The following CCDC71L variants were observed in gnomAD, a reference collection of about 807,000 sequenced individuals.
The protein encoded by CCDC71L is coiled-coil domain-containing protein 71L.
CCDC71L carries 6 observed loss-of-function variants against 10.2 expected under a neutral mutation model. That is an observed-to-expected ratio of 0.59 (90% CI 0.32 to 1.16). CCDC71L has a LOEUF of 1.16. Ranked by LOEUF, CCDC71L falls within the 50% of genes most tolerant of loss-of-function variation. The probability of loss-of-function intolerance (pLI) is 0.05; values close to 1 mark genes in which losing one functional copy is unlikely to be tolerated. For synonymous variants in CCDC71L, 204 were observed against 175.5 expected (o/e 1.16, Z -1.28); for missense variants, 366 against 383.4 (o/e 0.95, Z 0.38).
In CCDC71L at chr7:106,654,714, A is replaced by C. The variant is rs1413968609; in HGVS notation, c.*5475T>G. 6.6e-6 allele frequency among the ~76,000 whole-genome samples: 1 copy of C among 152,056 alleles called. No homozygotes were observed. Among genetic ancestry groups the C allele is most frequent in the Non-Finnish European group, 1.5e-5 (1 of 67,950 alleles). ...GGACTTCAGGGGTACTCATAACTGT[A>C]TTTTTTTAATCTGAGTGCTAGTTCC... On this transcript the variant is annotated 3_prime_UTR_variant, in exon 1 of 1. Transcript: ENST00000523505.
rs1313951848 is a variant in CCDC71L at position 106,657,452 on chromosome 7, G to C, written c.*2737C>G. ...ATATGAGATAAAAGAGAAGGCAAGA[G>C]AATGAACGAAGATCATGAGATTTCT... is the stretch of plus-strand genomic sequence containing the variant. On this transcript the variant is annotated 3_prime_UTR_variant, in exon 1 of 1. Coordinates refer to ENST00000523505, the MANE Select transcript of CCDC71L (RefSeq NM_175884.6). The C allele has an allele frequency of 6.6e-6, 1 of 152,170 alleles. No homozygotes were observed. Among genetic ancestry groups the C allele is most frequent in the Non-Finnish European group, 1.5e-5 (1 of 68,016 alleles). 9.4% of individuals were successfully genotyped at this position (152,170 alleles called of 1,614,324 possible).
chr7:106,659,691 ACAC>A lies in CCDC71L; in HGVS notation c.*495_*497del, dbSNP rs1792553376. ...AATACCCTGAGCACAAACTAGTGCA[ACAC>A]CACATGTTCGAACTTCTGTCCACAA... is the stretch of plus-strand genomic sequence containing the variant. On this transcript the variant is annotated 3_prime_UTR_variant, in exon 1 of 1. Coordinates refer to ENST00000523505, the MANE Select transcript of CCDC71L (RefSeq NM_175884.6). The A allele has an allele frequency of 1.3e-5, 2 of 152,940 alleles. No homozygotes were observed. Among genetic ancestry groups the A allele is most frequent in the Non-Finnish European group, 2.9e-5 (2 of 68,228 alleles). 9.5% of individuals were successfully genotyped at this position (152,940 alleles called of 1,614,324 possible). A position where few individuals can be genotyped will look rare whatever the true frequency, so the allele number is the denominator to read the frequency against.
rs1330252949 is a variant in CCDC71L at position 106,657,345 on chromosome 7, T to A, written c.*2844A>T. 6.6e-6 allele frequency: 1 copy of A among 152,178 alleles called. No homozygotes were observed. Among genetic ancestry groups the A allele is most frequent in the Non-Finnish European group, 1.5e-5 (1 of 68,028 alleles). 9.4% of individuals were successfully genotyped at this position (152,178 alleles called of 1,614,324 possible). A position where few individuals can be genotyped will look rare whatever the true frequency, so the allele number is the denominator to read the frequency against. On this transcript the variant is annotated 3_prime_UTR_variant, in exon 1 of 1. Coordinates refer to ENST00000523505, the MANE Select transcript of CCDC71L (RefSeq NM_175884.6). ...GTTATGTGAGGTGCCGGTCACCACA[T>A]TTAGGCACTCAGGAATTAAAAATCA...
Position 106,655,151 on chromosome 7 carries a change from AAG to A in CCDC71L, c.*5036_*5037del, listed in dbSNP as rs1256278146. On this transcript the variant is annotated 3_prime_UTR_variant, in exon 1 of 1. Transcript: ENST00000523505. ...TTTAGAATGACATTTACCAAGACAC[AAG>A]AGAGTGATGACAGTGAGAAGTCATT... is the stretch of plus-strand genomic sequence containing the variant. 6.6e-6 allele frequency among the ~76,000 whole-genome samples: 1 copy of A among 152,164 alleles called. No individual in the cohort carries two copies. Among genetic ancestry groups the A allele is most frequent in the African/African-American group, 2.4e-5 (1 of 41,448 alleles).
rs144885421 is a variant in CCDC71L at position 106,658,724 on chromosome 7, A to G, written c.*1465T>C. ...CTATTAAGTTTTCCTGCCACAAATG[A>G]CCAAAGGCACTTGGATAATCAAGAA... On this transcript the variant is annotated 3_prime_UTR_variant, in exon 1 of 1. Transcript: ENST00000523505. 2.0e-5 allele frequency: 3 copies of G among 152,736 alleles called. No individual in the cohort carries two copies. The highest frequency in any genetic ancestry group is 4.4e-5 in the Non-Finnish European group (3 of 68,034). 9.5% of individuals were successfully genotyped at this position (152,736 alleles called of 1,614,324 possible).
Position 106,660,011 on chromosome 7 carries a change from G to A in CCDC71L, c.*178C>T. On this transcript the variant is annotated 3_prime_UTR_variant, in exon 1 of 1. Coordinates refer to ENST00000523505, the MANE Select transcript of CCDC71L (RefSeq NM_175884.6). The surrounding 1 kb of genome is among the most constrained non-coding windows in gnomAD (Gnocchi z 7.5). ...GCACACCTGCCCCAGCGTCCAAGAC[G>A]ACCGCGCCGCGGCCCGGGACAGGGA... The A allele has an allele frequency of 2.2e-6, 2 of 889,330 alleles. No individual in the cohort carries two copies. The highest frequency in any genetic ancestry group is 3.2e-6 in the Non-Finnish European group (2 of 632,582). The allele number at this position is 889,330 out of a possible 1,614,324, so 55.1% of individuals were successfully genotyped here.
chr7:106,655,827 T>G lies in CCDC71L; in HGVS notation c.*4362A>C, dbSNP rs1490531072. 1.3e-5 allele frequency among the ~76,000 whole-genome samples: 2 copies of G among 152,182 alleles called. No individual in the cohort carries two copies. The highest frequency in any genetic ancestry group is 4.8e-5 in the African/African-American group (2 of 41,454). The stretch of plus-strand genomic sequence containing the variant: ...GATTTCCTTATGTCTTCAATTTTAT[T>G]CATGCACAAATTCTCTTCTCTTCAT... On this transcript the variant is annotated 3_prime_UTR_variant, in exon 1 of 1. Coordinates refer to ENST00000523505, the MANE Select transcript of CCDC71L (RefSeq NM_175884.6).
Position 106,654,981 on chromosome 7 carries a change from A to G in CCDC71L, c.*5208T>C, listed in dbSNP as rs1256634959. ...GAATCTCAATTTAACTTTTCTATGA[A>G]TGCTTTCGGAAGCTAAATAAGTCCA... is the stretch of plus-strand genomic sequence containing the variant. On this transcript the variant is annotated 3_prime_UTR_variant, in exon 1 of 1. Coordinates refer to ENST00000523505, the MANE Select transcript of CCDC71L (RefSeq NM_175884.6). 1.3e-5 allele frequency among the ~76,000 whole-genome samples: 2 copies of G among 152,150 alleles called. No individual in the cohort carries two copies. The highest frequency in any genetic ancestry group is 1.9e-4 in the East Asian group (1 of 5,202).
Position 106,661,124 on chromosome 7 carries a change from C to T in CCDC71L, c.-228G>A, listed in dbSNP as rs1792594278. ...CCTGGGCTTTGTCATTGGACGGCGCCTCGCCCCCCTGGTTTCTCTTTCTTC... is the reference window on the plus strand; with the variant it reads ...CCTGGGCTTTGTCATTGGACGGCGCTTCGCCCCCCTGGTTTCTCTTTCTTC... On this transcript the variant is annotated 5_prime_UTR_variant, in exon 1 of 1. Coordinates refer to ENST00000523505, the MANE Select transcript of CCDC71L (RefSeq NM_175884.6). 1 of 487,462 alleles carries T rather than the reference C, an allele frequency of 2.1e-6. No homozygotes were observed. Among genetic ancestry groups the T allele is most frequent in the Non-Finnish European group, 3.3e-6 (1 of 298,862 alleles). 30.2% of individuals were successfully genotyped at this position (487,462 alleles called of 1,614,324 possible).
In CCDC71L at chr7:106,660,863, G is replaced by A. The variant is rs1359227733; in HGVS notation, c.34C>T (p.Arg12Cys). 22 of 1,463,418 alleles carry A rather than the reference G, an allele frequency of 1.5e-5. No homozygotes were observed. Among genetic ancestry groups the A allele is most frequent in the Non-Finnish European group, 1.8e-5 (20 of 1,114,468 alleles). The allele number at this position is 1,463,418 out of a possible 1,614,324, so 90.7% of individuals were successfully genotyped here. A position where few individuals can be genotyped will look rare whatever the true frequency, so the allele number is the denominator to read the frequency against. ...RRSMKRRRRR[R>C]PVAPATAARG... ...GCGGCCGTGGCCGGGGCGACCGGGC[G>A]CCGGCGCCGCCGCCTCTTCATACTG... is the stretch of plus-strand genomic sequence containing the variant. The change falls in exon 1 of 1, where the codon CGC becomes TGC. Residue 12 changes from arginine (R) to cysteine (C), a missense_variant. Physicochemically the swap from Arg to Cys is radical, Grantham distance 180 (BLOSUM62 -3). Coordinates refer to ENST00000523505, the MANE Select transcript of CCDC71L (RefSeq NM_175884.6). This position sits in a 1 kb window ranked among gnomAD's most constrained non-coding sequence, Gnocchi z 7.5.
Position 106,660,252 on chromosome 7 carries a change from C to A in CCDC71L, c.645G>T (p.Gln215His). ...TGGGTTCCAGGTTCACTCGCAGGAC[C>A]TGGCGCGCCCTGCGCCGCGCTGCCG... ...SLAAARRRAR[Q>H]VLRVNLEPMV... Residue 215 changes from glutamine to histidine, a missense_variant, in exon 1 of 1, where the codon CAG becomes CAT. Coordinates refer to ENST00000523505, the MANE Select transcript of CCDC71L (RefSeq NM_175884.6). The surrounding 1 kb of genome is among the most constrained non-coding windows in gnomAD (Gnocchi z 7.5). 1 of 1,574,576 alleles carries A rather than the reference C, an allele frequency of 6.4e-7. No individual in the cohort carries two copies. Among genetic ancestry groups the A allele is most frequent in the Non-Finnish European group, 8.5e-7 (1 of 1,170,410 alleles).
In CCDC71L at chr7:106,660,291, G is replaced by A. The variant is rs1037972858; in HGVS notation, c.606C>T (p.Gly202=). The A allele has an allele frequency of 1.0e-5, 16 of 1,558,742 alleles. No homozygotes were observed. The African/African-American group carries it at 1.6e-4, about 15-fold the overall frequency. Residue 202 remains glycine (G), a synonymous_variant, in exon 1 of 1, where the codon GGC becomes GGT. Transcript: ENST00000523505. This position sits in a 1 kb window ranked among gnomAD's most constrained non-coding sequence, Gnocchi z 7.5. ...GCCGCGCTGCCGCCAGGCTGCGCTCGCCCCACACGTCGCTGCCGACGCGGA... is the reference window on the plus strand; with the variant it reads ...GCCGCGCTGCCGCCAGGCTGCGCTCACCCCACACGTCGCTGCCGACGCGGA... ...PTIRVGSDVW[G]ERSLAAARRR...
Position 106,660,909 on chromosome 7 carries a change from C to A in CCDC71L, c.-13G>T. On this transcript the variant is annotated 5_prime_UTR_variant, in exon 1 of 1. Transcript: ENST00000523505. This position sits in a 1 kb window ranked among gnomAD's most constrained non-coding sequence, Gnocchi z 7.5. The stretch of plus-strand genomic sequence containing the variant: ...TACTGCGCCGCATCGAAGGCCGCTC[C>A]GGGCCACTCACGCTCGCCGGGTCCC... The A allele has an allele frequency of 7.3e-7, 1 of 1,361,674 alleles. No individual in the cohort carries two copies. The allele number at this position is 1,361,674 out of a possible 1,614,324, so 84.3% of individuals were successfully genotyped here. A position where few individuals can be genotyped will look rare whatever the true frequency, so the allele number is the denominator to read the frequency against.
chr7:106,659,965 G>T lies in CCDC71L; in HGVS notation c.*224C>A. 1 of 559,100 alleles carries T rather than the reference G, an allele frequency of 1.8e-6. No homozygotes were observed. Among genetic ancestry groups the T allele is most frequent in the Non-Finnish European group, 2.9e-6 (1 of 340,462 alleles). 34.6% of individuals were successfully genotyped at this position (559,100 alleles called of 1,614,324 possible). A position where few individuals can be genotyped will look rare whatever the true frequency, so the allele number is the denominator to read the frequency against. ...CAGCTGTCCCCTCCCTCCGCAGGCC[G>T]GGTACGGGAGGCAGCAGAGGGCACA... is the stretch of plus-strand genomic sequence containing the variant. On this transcript the variant is annotated 3_prime_UTR_variant, in exon 1 of 1. Coordinates refer to ENST00000523505, the MANE Select transcript of CCDC71L (RefSeq NM_175884.6).
Position 106,660,635 on chromosome 7 carries a change from A to T in CCDC71L, c.262T>A (p.Phe88Ile), listed in dbSNP as rs1237068187. The T allele has an allele frequency of 1.3e-6, 2 of 1,590,416 alleles. No individual in the cohort carries two copies. Among genetic ancestry groups the T allele is most frequent in the African/African-American group, 2.7e-5 (2 of 74,044 alleles). Residue 88 changes from phenylalanine (F) to isoleucine (I), a missense_variant, in exon 1 of 1, where the codon TTC becomes ATC. Phe to Ile is a conservative substitution (Grantham distance 21, BLOSUM62 0). Transcript: ENST00000523505. This position sits in a 1 kb window ranked among gnomAD's most constrained non-coding sequence, Gnocchi z 7.5. ...WSFLCSLKHQ[F>I]SPHILRSKDV... ...TTGCTGCGCAGGATGTGCGGGGAGA[A>T]CTGGTGCTTGAGGCTGCAGAGGAAG...
In CCDC71L at chr7:106,660,246, C is replaced by G; in HGVS notation, c.651G>C (p.Leu217=). 6.3e-7 allele frequency: 1 copy of G among 1,576,788 alleles called. No homozygotes were observed. The highest frequency in any genetic ancestry group is 2.4e-5 in the East Asian group (1 of 42,118). The change falls in exon 1 of 1, where the codon CTG becomes CTC. Residue 217 remains leucine (L), a synonymous_variant. Coordinates refer to ENST00000523505, the MANE Select transcript of CCDC71L (RefSeq NM_175884.6). This position sits in a 1 kb window ranked among gnomAD's most constrained non-coding sequence, Gnocchi z 7.5. ...TCACCATGGGTTCCAGGTTCACTCG[C>G]AGGACCTGGCGCGCCCTGCGCCGCG... ...AAARRRARQV[L]RVNLEPMVRL...
chr7:106,660,928 G>T lies in CCDC71L; in HGVS notation c.-32C>A, dbSNP rs1792587690. 1.5e-6 allele frequency: 2 copies of T among 1,334,428 alleles called. No homozygotes were observed. The highest frequency in any genetic ancestry group is 3.9e-5 in the South Asian group (2 of 51,736). The allele number at this position is 1,334,428 out of a possible 1,614,324, so 82.7% of individuals were successfully genotyped here. ...CCGCTCCGGGCCACTCACGCTCGCC[G>T]GGTCCCACTACTGCCGCCGCCGTCC... is the stretch of plus-strand genomic sequence containing the variant. On this transcript the variant is annotated 5_prime_UTR_variant, in exon 1 of 1. Transcript: ENST00000523505. This position sits in a 1 kb window ranked among gnomAD's most constrained non-coding sequence, Gnocchi z 7.5.
At position 106,654,611 on chromosome 7, in the gene CCDC71L, A is replaced by G. The variant is rs981815322; in HGVS notation, c.*5578T>C. Among the ~76,000 whole-genome samples the G allele has an allele frequency of 4.6e-5, 7 of 152,166 alleles. No individual in the cohort carries two copies. Among genetic ancestry groups the G allele is most frequent in the African/African-American group, 1.7e-4 (7 of 41,440 alleles). Reference sequence around the variant, plus strand: ...ATGTAAAGTTCAAAAATAAGCAAAAAATATGCTGTAAGAAATCAAAATAAT... The same window carrying G: ...ATGTAAAGTTCAAAAATAAGCAAAAGATATGCTGTAAGAAATCAAAATAAT... On this transcript the variant is annotated 3_prime_UTR_variant, in exon 1 of 1. Coordinates refer to ENST00000523505, the MANE Select transcript of CCDC71L (RefSeq NM_175884.6).
rs948315216 is a variant in CCDC71L at position 106,660,800 on chromosome 7, A to G, written c.97T>C (p.Leu33=). 3 of 1,544,674 alleles carry G rather than the reference A, an allele frequency of 1.9e-6. No individual in the cohort carries two copies. The highest frequency in any genetic ancestry group is 1.4e-5 in the African/African-American group (1 of 71,986). Residue 33 remains leucine, a synonymous_variant, in exon 1 of 1, where the codon TTG becomes CTG. Transcript: ENST00000523505. The surrounding 1 kb of genome is among the most constrained non-coding windows in gnomAD (Gnocchi z 7.5). The stretch of plus-strand genomic sequence containing the variant: ...ACCACCTTCTCCTCCCGCGCCTCCA[A>G]CCCAGCCCCGTCTTCTGCCCTAAAG... ...GDFRAEDGAG[L]EAREEKVVYS... is the part of the protein sequence containing the mutation.
Sources: gnomAD v4.1 joint callset for allele counts (sites outside exome capture counted in the v4.1 genomes callset) on GRCh38, gnomAD v4.1.1 for gene constraint, Gnocchi (gnomAD v3.1) non-coding constraint, MANE v1.5 for transcripts, NCBI Gene and HGNC (gene_info 2026-07-23, HGNC 2026-07-21) for gene names.